Variants in RAB3B observed in about 807,000 individuals in gnomAD.
RAB3B encodes the protein RAB3B, member RAS oncogene family, also known as ras-related protein Rab-3B.
RAB3B carries 11 observed loss-of-function variants against 20.5 expected under a neutral mutation model. The ratio of observed to expected loss-of-function variants is 0.54; its 90% CI spans 0.34 to 0.89. The LOEUF (loss-of-function observed/expected upper bound fraction) is 0.89. Among genes scored for constraint, RAB3B ranks in the 40% least tolerant of loss-of-function variants. The pLI, the probability that RAB3B is intolerant of heterozygous loss-of-function variation, is 0.02. For synonymous variants in RAB3B, 99 were observed against 106.3 expected, an observed-to-expected ratio of 0.93 and a Z score of 0.42; for missense variants, 225 against 280.9, an observed-to-expected ratio of 0.80 and a Z score of 1.42.
intron 4 of RAB3B, among the ~76,000 whole-genome samples, chr1:51,925,693 C>G (rs1054706414): frequency 6.6e-6 from 1 of 152,154 alleles, no homozygotes; most frequent in African/African-American, 2.4e-5. Flanking sequence ...CTTTTTCTTC[C>G]CCACAACACC....
intron 1 of RAB3B, chr1:51,980,665 C>G (rs1685074421): frequency 1.3e-6 from 1 of 757,072 alleles, no homozygotes; most frequent in African/African-American, 1.7e-5. Flanking sequence ...CTATGTGCTT[C>G]CCAAGCAGTA....
At chr1:51,939,238 T>C (rs938072837) in intron 2 of RAB3B, among the ~76,000 whole-genome samples, 6 of 152,264 alleles carry the variant, frequency 3.9e-5, no homozygotes, top group Non-Finnish European at 7.3e-5. Context: ...TGTGTGATGC[T>C]TAAGCATATA....
chr1:51,930,566 AAC>A (rs1251850291), intron 4 of RAB3B, among the ~76,000 whole-genome samples: 8 of 152,188 alleles, frequency 5.3e-5, no homozygotes, highest in African/African-American at 1.7e-4. Flanking sequence ...TGTTAAAAAA[AAC>A]ACACACACAC....
chr1:51,942,110 C>G (rs1935292), intron 2 of RAB3B, among the ~76,000 whole-genome samples: 128,395 of 152,192 alleles, frequency 0.84, 54,906 homozygotes, highest in East Asian at 1. Context: ...TGATCTGTAG[C>G]TTCAGTCCCT....
rs555769420 is a variant in RAB3B, at chr1:51,914,738, G to A, written c.*5189C>T. 1.3e-5 allele frequency: 2 copies of A among 152,218 alleles called. No homozygotes were observed. The highest frequency in any genetic ancestry group is 4.1e-4 in the South Asian group (2 of 4,822). 9.4% of individuals were successfully genotyped at this position (152,218 alleles called of 1,614,324 possible). On this transcript the variant is annotated 3_prime_UTR_variant, in exon 5 of 5. Coordinates refer to ENST00000371655, the MANE Select transcript of RAB3B (RefSeq NM_002867.4). ...TGGCAGGTAATTGGGTGTAGGCTTG[G>A]GGCAGGGAATCTGAAATCAATGAGA...
rs561910123 is a variant in RAB3B, at chr1:51,913,030, C to T, written c.*6897G>A. ...ATCAAAGAAGGAAGTACAGTTAGAA[C>T]AGAAGGCCCAACTGTTCTTGGAGCC... On this transcript the variant is annotated 3_prime_UTR_variant, in exon 5 of 5. Transcript: ENST00000371655. 3 of 152,272 alleles carry T rather than the reference C, an allele frequency of 2.0e-5. No individual in the cohort carries two copies. The highest frequency in any genetic ancestry group is 7.2e-5 in the African/African-American group (3 of 41,558). The allele number at this position is 152,272 out of a possible 1,614,324, so 9.4% of individuals were successfully genotyped here.
At chr1:51,959,134 T>G (rs1684751563) in intron 2 of RAB3B, among the ~76,000 whole-genome samples, 1 of 152,082 alleles carries the variant, frequency 6.6e-6, no homozygotes, top group Non-Finnish European at 1.5e-5. Context: ...TAACTGCCAC[T>G]GAGTTGCGGG....
intron 4 of RAB3B, among the ~76,000 whole-genome samples, chr1:51,930,135 C>T (rs1684302010): frequency 6.6e-6 from 1 of 152,216 alleles, no homozygotes; most frequent in African/African-American, 2.4e-5. Context: ...TTAAGGTCTT[C>T]TTCAAGTGCC....
intron 4 of RAB3B, among the ~76,000 whole-genome samples, chr1:51,922,470 G>A (rs1319351019): frequency 1.3e-5 from 2 of 152,042 alleles, no homozygotes; most frequent in East Asian, 1.9e-4. Flanking sequence ...AGAATGAGGC[G>A]AATACTACCT....
At chr1:51,935,011 A>G (rs180795820) in intron 3 of RAB3B, among the ~76,000 whole-genome samples, 97 of 152,152 alleles carry the variant, frequency 6.4e-4, no homozygotes, top group Middle Eastern at 6.8e-3. Flanking sequence ...CATGACACCT[A>G]TTACACTTGG....
At chr1:51,953,070 T>A (rs1684660835) in intron 2 of RAB3B, among the ~76,000 whole-genome samples, 1 of 152,246 alleles carries the variant, frequency 6.6e-6, no homozygotes, top group African/African-American at 2.4e-5. Context: ...TAAGCCCTTA[T>A]GAGTACCCCA....
rs920903828 is a variant in RAB3B, at chr1:51,914,539, A to T, written c.*5388T>A. 1 of 152,240 alleles carries T rather than the reference A, an allele frequency of 6.6e-6. No homozygotes were observed. Among genetic ancestry groups the T allele is most frequent in the Non-Finnish European group, 1.5e-5 (1 of 68,048 alleles). The allele number at this position is 152,240 out of a possible 1,614,324, so 9.4% of individuals were successfully genotyped here. ...AATTTGCCACTACTTGTATCCTGGC[A>T]CATAATATATATTCATTTGTTGAGA... is the stretch of plus-strand genomic sequence containing the variant. On this transcript the variant is annotated 3_prime_UTR_variant, in exon 5 of 5. Coordinates refer to ENST00000371655, the MANE Select transcript of RAB3B (RefSeq NM_002867.4).
Position 51,913,190 on chromosome 1 carries a change from T to C in RAB3B, c.*6737A>G, listed in dbSNP as rs1210902076. ...ATCCCTCGGGGATAGCTAAGAGGTA[T>C]CCAAATGGACTGTTTAACAAGCATC... On this transcript the variant is annotated 3_prime_UTR_variant, in exon 5 of 5. Coordinates refer to ENST00000371655, the MANE Select transcript of RAB3B (RefSeq NM_002867.4). 1 of 152,162 alleles carries C rather than the reference T, an allele frequency of 6.6e-6. No individual in the cohort carries two copies. The highest frequency in any genetic ancestry group is 1.5e-5 in the Non-Finnish European group (1 of 68,030). 9.4% of individuals were successfully genotyped at this position (152,162 alleles called of 1,614,324 possible).
At chr1:51,967,515 C>CTTTTACTTTTTTTTTTTT (rs1444732568) in intron 2 of RAB3B, among the ~76,000 whole-genome samples, 1 of 16,436 alleles carries the variant, frequency 6.1e-5, no homozygotes, top group South Asian at 5.7e-3. Flanking sequence ...CTTTTCTTTT[C>CTTTTACTTTTTTTTTTTT]TTTTTCTTTT....
chr1:51,949,469 T>C (rs1417410404), intron 2 of RAB3B, among the ~76,000 whole-genome samples: 4 of 152,298 alleles, frequency 2.6e-5, no homozygotes, highest in African/African-American at 9.6e-5. Flanking sequence ...ACAAATCCCG[T>C]GGCCACTGCA....
At chr1:51,921,906 G>A (rs1230493521) in intron 4 of RAB3B, among the ~76,000 whole-genome samples, 6 of 152,046 alleles carry the variant, frequency 3.9e-5, no homozygotes, top group Non-Finnish European at 8.8e-5. Context: ...CATCCATAGA[G>A]AGGGCTGAAG....
At chr1:51,952,408 T>C (rs1449034765) in intron 2 of RAB3B, among the ~76,000 whole-genome samples, 2 of 152,218 alleles carry the variant, frequency 1.3e-5, no homozygotes, top group Non-Finnish European at 2.9e-5. Flanking sequence ...TACTTTTTAC[T>C]TCAAGTGGAT....
intron 3 of RAB3B, among the ~76,000 whole-genome samples, chr1:51,934,694 T>C (rs772843976): frequency 2.9e-5 from 4 of 139,186 alleles, no homozygotes; most frequent in Non-Finnish European, 6.0e-5. Flanking sequence ...GAGAATGGCG[T>C]GAACCCGGGA....
intron 2 of RAB3B, among the ~76,000 whole-genome samples, chr1:51,949,017 C>G (rs1331047229): frequency 1.3e-5 from 2 of 152,190 alleles, no homozygotes; most frequent in South Asian, 4.1e-4. Flanking sequence ...AAAATCCAAA[C>G]CTTCCCATCT....
Sources: gnomAD v4.1 joint callset for allele counts (sites outside exome capture counted in the v4.1 genomes callset) on GRCh38, gnomAD v4.1.1 for gene constraint, MANE v1.5 for transcripts, NCBI Gene and HGNC (gene_info 2026-07-23, HGNC 2026-07-21) for gene names.